Variants in REPS2 observed in about 807,000 individuals in gnomAD.
REPS2 encodes RALBP1 associated Eps domain containing 2, also known as ralBP1-associated Eps domain-containing protein 2.
Under a neutral mutation model 53.6 loss-of-function variants are expected in REPS2, and 23 were observed. The observed-to-expected ratio is 0.43, with a 90% confidence interval of 0.31 to 0.61. The LOEUF is 0.61. Ranked by LOEUF, REPS2 falls within the 20% of genes least tolerant of loss-of-function variation. REPS2 has a pLI of 0.11. For missense variants in REPS2, 446 were observed against 534.9 expected (o/e 0.83, Z 1.64); for synonymous variants, 238 against 218.6 (o/e 1.09, Z -0.78).
chrX:16,954,920 C>T (rs978011002), intron 1 of REPS2, among the ~76,000 whole-genome samples: 1 of 105,052 alleles, frequency 9.5e-6, no homozygotes, highest in African/African-American at 3.5e-5. Context: ...AAGCAGTTCT[C>T]CCTGCCTCAG....
chrX:16,984,742 T>C (rs2061070073), intron 1 of REPS2, among the ~76,000 whole-genome samples: 2 of 109,755 alleles, frequency 1.8e-5, no homozygotes, highest in African/African-American at 6.8e-5. Context: ...ATTGGGGAAT[T>C]TTTTTTTTAA....
At chrX:16,951,605 A>T (rs1355356137) in intron 1 of REPS2, among the ~76,000 whole-genome samples, 1 of 105,436 alleles carries the variant, frequency 9.5e-6, no homozygotes, top group Non-Finnish European at 1.9e-5. Context: ...AGTCCCAGCT[A>T]TTCTGGAGGC....
chrX:17,175,327 T>C, the REPS2 span, among the ~76,000 whole-genome samples: 3 of 112,405 alleles, frequency 2.7e-5, no homozygotes, highest in African/African-American at 9.7e-5. Context: ...ATCTGAGTGA[T>C]AGAACCACAA....
At chrX:17,028,092 C>T (rs765160163) in intron 4 of REPS2, among the ~76,000 whole-genome samples, 122 of 111,463 alleles carry the variant, frequency 1.1e-3, no homozygotes, top group Middle Eastern at 4.6e-3. Context: ...TGAGATAGGT[C>T]TGTCTCTTCC....
chrX:17,054,352 A>G (rs1273823214), intron 7 of REPS2, among the ~76,000 whole-genome samples: 1 of 112,875 alleles, frequency 8.9e-6, no homozygotes, highest in Non-Finnish European at 1.9e-5. Context: ...TGAAAAACAA[A>G]GAGCTTATTT....
intron 1 of REPS2, among the ~76,000 whole-genome samples, chrX:17,000,462 A>C (rs1455389827): frequency 9.0e-6 from 1 of 111,442 alleles, no homozygotes; most frequent in Non-Finnish European, 1.9e-5. Flanking sequence ...GCATTTACCT[A>C]GTGCAGTTGA....
chrX:16,988,060 C>T (rs1055571697), intron 1 of REPS2, among the ~76,000 whole-genome samples: 2 of 111,013 alleles, frequency 1.8e-5, no homozygotes, highest in African/African-American at 6.5e-5. Flanking sequence ...ATTGCTTGAG[C>T]CCAGGAGTTC....
intron 17 of REPS2, among the ~76,000 whole-genome samples, chrX:17,147,001 T>TA (rs2063522504): frequency 8.9e-6 from 1 of 111,935 alleles, no homozygotes; most frequent in South Asian, 3.8e-4. Flanking sequence ...GGTGCGGGAT[T>TA]ACGAGCCAGA....
chrX:16,979,063 G>A (rs1181331377), intron 1 of REPS2, among the ~76,000 whole-genome samples: 2 of 111,879 alleles, frequency 1.8e-5, no homozygotes, highest in African/African-American at 6.5e-5. Flanking sequence ...TTAACTTCAC[G>A]TTGCTGTTTA....
At chrX:16,994,372 C>T (rs369343668) in intron 1 of REPS2, among the ~76,000 whole-genome samples, 2 of 107,856 alleles carry the variant, frequency 1.9e-5, no homozygotes, top group Middle Eastern at 4.8e-3. Context: ...CATATATATA[C>T]ATATATATAC....
At chrX:17,059,245 C>CATG (rs1316931490) in intron 8 of REPS2, among the ~76,000 whole-genome samples, 4 of 106,732 alleles carry the variant, frequency 3.7e-5, no homozygotes, top group African/African-American at 1.4e-4. Context: ...CTCCTGACCT[C>CATG]ATGATCCACC....
Position 17,014,248 on chromosome X carries a change from AG to A in REPS2, c.398-7873del, listed in dbSNP as rs2061462260. On this transcript the variant is annotated intron_variant, in intron 2 of 17. Coordinates refer to ENST00000357277, the MANE Select transcript of REPS2 (RefSeq NM_004726.3). ...ATAGTGGGGAAATTGAAGGCCAAAGAGGTAAAATAAAAGGGATGCTGCTTGC... is the reference window on the plus strand; with the variant it reads ...ATAGTGGGGAAATTGAAGGCCAAAGAGTAAAATAAAAGGGATGCTGCTTGC... 2.7e-5 allele frequency among the ~76,000 whole-genome samples: 3 copies of A among 111,278 alleles called. No homozygotes were observed. In the Admixed American group the frequency reaches 2.9e-4, roughly 11 times the overall value.
At chrX:17,017,551 A>G (rs2061514525) in intron 2 of REPS2, among the ~76,000 whole-genome samples, 1 of 108,633 alleles carries the variant, frequency 9.2e-6, no homozygotes, top group African/African-American at 3.5e-5. Context: ...GGTGTTGGTT[A>G]CAGGGATATA....
Position 16,946,751 on chromosome X carries a change from G to A in REPS2, c.-111G>A, listed in dbSNP as rs1490252383. 24 of 740,762 alleles carry A rather than the reference G, an allele frequency of 3.2e-5. No individual in the cohort carries two copies. The highest frequency in any genetic ancestry group is 3.8e-5 in the Non-Finnish European group (24 of 632,665). The allele number at this position is 740,762 out of a possible 1,213,427, so 61.0% of individuals were successfully genotyped here. A position where few individuals can be genotyped will look rare whatever the true frequency, so the allele number is the denominator to read the frequency against. On this transcript the variant is annotated 5_prime_UTR_variant, in exon 1 of 18. Transcript: ENST00000357277. ...TGGGGGTGGTGGTGGCGGCGGCGGTGGTGGCGGCGGCGGCGGCGGCGGCAG... is the reference window on the plus strand; with the variant it reads ...TGGGGGTGGTGGTGGCGGCGGCGGTAGTGGCGGCGGCGGCGGCGGCGGCAG...
chrX:17,140,291 C>A (rs1227492952), intron 17 of REPS2, among the ~76,000 whole-genome samples: 2 of 110,596 alleles, frequency 1.8e-5, no homozygotes, highest in South Asian at 3.9e-4. Context: ...ATCATTTCCT[C>A]CTCTGAAATG....
intron 5 of REPS2, among the ~76,000 whole-genome samples, chrX:17,043,085 A>G (rs2061855491): frequency 9.0e-6 from 1 of 111,680 alleles, no homozygotes; most frequent in Admixed American, 9.5e-5. Context: ...GTATGAGCCA[A>G]CATGCCCAGC....
chrX:16,947,947 G>A (rs935336779), intron 1 of REPS2, among the ~76,000 whole-genome samples: 1 of 112,039 alleles, frequency 8.9e-6, no homozygotes, highest in African/African-American at 3.2e-5. Flanking sequence ...TTTTTGTTTT[G>A]TGCTTTCCTT....
At chrX:17,042,637 C>T (rs1438005786) in intron 5 of REPS2, among the ~76,000 whole-genome samples, 1 of 110,557 alleles carries the variant, frequency 9.0e-6, no homozygotes, top group East Asian at 2.8e-4. Context: ...ATAAGTAGAG[C>T]TCACACTACC....
chrX:17,115,342 C>T (rs888777434), intron 14 of REPS2, among the ~76,000 whole-genome samples: 1 of 112,550 alleles, frequency 8.9e-6, no homozygotes, highest in Non-Finnish European at 1.9e-5. Context: ...TACACATAAA[C>T]ATCTCAATGC....
Sources: allele counts gnomAD v4.1 joint callset (sites outside exome capture counted in the v4.1 genomes callset), GRCh38; gene constraint gnomAD v4.1.1; transcripts MANE v1.5; gene names NCBI Gene and HGNC (gene_info 2026-07-23, HGNC 2026-07-21).